The following HHLA2 variants were observed in gnomAD, a reference collection of about 807,000 sequenced individuals.
HHLA2 encodes the protein HHLA2 member of B7 family.
Under a neutral mutation model 45.9 loss-of-function variants are expected in HHLA2, and 48 were observed. That is an observed-to-expected ratio of 1.05 (90% CI 0.83 to 1.33). The LOEUF (loss-of-function observed/expected upper bound fraction) is 1.33. Among genes scored for constraint, HHLA2 ranks in the 40% most tolerant of loss-of-function variants. The probability of loss-of-function intolerance (pLI) is 0.00; values close to 1 mark genes in which losing one functional copy is unlikely to be tolerated. For missense variants in HHLA2, 462 were observed against 494.3 expected, an observed-to-expected ratio of 0.93 and a Z score of 0.62; for synonymous variants, 161 against 173.9, an observed-to-expected ratio of 0.93 and a Z score of 0.59.
At chr3:108,307,196 A>G (rs1348013878) in intron 1 of HHLA2, among the ~76,000 whole-genome samples, 1 of 152,156 alleles carries the variant, frequency 6.6e-6, no homozygotes, top group African/African-American at 2.4e-5. Flanking sequence ...TTTTTAATAC[A>G]AATGTTTGAT....
intron 5 of HHLA2, among the ~76,000 whole-genome samples, chr3:108,354,898 C>T (rs540399096): frequency 1.3e-5 from 2 of 152,086 alleles, no homozygotes; most frequent in African/African-American, 2.4e-5. Flanking sequence ...CATACCCATG[C>T]CTGCTCTTTT....
At chr3:108,362,417 T>C in exon 8 of HHLA2, 1 of 1,612,008 alleles carries the variant, frequency 6.2e-7, no homozygotes, top group South Asian at 1.1e-5. Context: ...GCAGCTTTTC[T>C]GCTGATTTGG....
chr3:108,352,331 G>A (rs7610479), intron 4 of HHLA2, among the ~76,000 whole-genome samples: 102,827 of 151,990 alleles, frequency 0.68, 35,664 homozygotes, highest in African/African-American at 0.77. Context: ...CTTTCAGCAT[G>A]ATGCCACATC....
At chr3:108,373,314 C>G (rs898167910) in intron 8 of HHLA2, among the ~76,000 whole-genome samples, 1 of 152,066 alleles carries the variant, frequency 6.6e-6, no homozygotes, top group Non-Finnish European at 1.5e-5. Flanking sequence ...AAATTAGGTA[C>G]TGAGGGGACG....
At chr3:108,323,781 C>G (rs984215917) in intron 2 of HHLA2, among the ~76,000 whole-genome samples, 2 of 152,118 alleles carry the variant, frequency 1.3e-5, no homozygotes, top group African/African-American at 4.8e-5. Flanking sequence ...TAGTAGTGCT[C>G]TATTGTAATG....
At chr3:108,316,694 G>C (rs1394729408) in intron 2 of HHLA2, among the ~76,000 whole-genome samples, 1 of 152,112 alleles carries the variant, frequency 6.6e-6, no homozygotes, top group Admixed American at 6.5e-5. Context: ...AAAAAATGTG[G>C]ATTTAGGTAA....
intron 2 of HHLA2, among the ~76,000 whole-genome samples, chr3:108,313,518 T>C (rs1349200768): frequency 6.6e-6 from 1 of 152,152 alleles, no homozygotes. Context: ...TGTGCATGTG[T>C]TGTGGGGGTG....
At chr3:108,372,758 C>T (rs2082202642) in intron 8 of HHLA2, among the ~76,000 whole-genome samples, 1 of 152,204 alleles carries the variant, frequency 6.6e-6, no homozygotes, top group Non-Finnish European at 1.5e-5. Flanking sequence ...GACACATACA[C>T]TCTCCCAAGA....
chr3:108,310,976 A>G (rs573998051), intron 2 of HHLA2, among the ~76,000 whole-genome samples: 4 of 152,194 alleles, frequency 2.6e-5, no homozygotes, highest in Non-Finnish European at 5.9e-5. Context: ...TAGACCTTCC[A>G]TGTTGTTTTA....
chr3:108,341,173 G>A (rs893582281), intron 3 of HHLA2, among the ~76,000 whole-genome samples: 7 of 151,858 alleles, frequency 4.6e-5, no homozygotes, highest in African/African-American at 1.2e-4. Flanking sequence ...GGCTGGTGTC[G>A]AACTGCTGAC....
chr3:108,315,908 G>T (rs2081095501), intron 2 of HHLA2, among the ~76,000 whole-genome samples: 1 of 152,076 alleles, frequency 6.6e-6, no homozygotes, highest in African/African-American at 2.4e-5. Context: ...GGTAATCTAA[G>T]GTAGCAGAAG....
chr3:108,313,748 G>A (rs931823046), intron 2 of HHLA2, among the ~76,000 whole-genome samples: 12 of 152,174 alleles, frequency 7.9e-5, no homozygotes, highest in Admixed American at 7.9e-4. Flanking sequence ...TATATCCATG[G>A]GGTAGTGAAA....
intron 4 of HHLA2, among the ~76,000 whole-genome samples, chr3:108,352,121 T>C (rs2081789371): frequency 6.9e-6 from 1 of 145,162 alleles, no homozygotes; most frequent in Admixed American, 7.1e-5. Flanking sequence ...GTAAGTTCAC[T>C]GGAAAGGCAA....
rs371910236 is a variant in HHLA2 at position 108,314,702 on chromosome 3, G to A, written c.-105+3961G>A. 8.3e-4 allele frequency among the ~76,000 whole-genome samples: 127 copies of A among 152,300 alleles called. 1 individual carries two copies. The highest frequency in any genetic ancestry group is 2.9e-3 in the African/African-American group (121 of 41,564). ...AGCCAGACATTTTACTTCATCGATTGATGTGTGGATGAAATACATTATTTT... is the reference window on the plus strand; with the variant it reads ...AGCCAGACATTTTACTTCATCGATTAATGTGTGGATGAAATACATTATTTT... On this transcript the variant is annotated intron_variant, in intron 2 of 10. Coordinates refer to ENST00000619531, the Ensembl canonical transcript of HHLA2.
At chr3:108,332,245 A>C (rs1257741293) in intron 3 of HHLA2, among the ~76,000 whole-genome samples, 1 of 152,200 alleles carries the variant, frequency 6.6e-6, no homozygotes, top group Non-Finnish European at 1.5e-5. Flanking sequence ...AACTGGGCAC[A>C]GTTACCTCCA....
intron 8 of HHLA2, among the ~76,000 whole-genome samples, chr3:108,374,135 A>G (rs1454874555): frequency 6.6e-6 from 1 of 151,362 alleles, no homozygotes; most frequent in African/African-American, 2.4e-5. Context: ...ACAGAGATAT[A>G]GACCAATGGA....
chr3:108,373,050 C>A (rs541584614), intron 8 of HHLA2, among the ~76,000 whole-genome samples: 1 of 152,172 alleles, frequency 6.6e-6, no homozygotes, highest in Non-Finnish European at 1.5e-5. Context: ...AGACCAATAT[C>A]CTTGATGAAC....
At chr3:108,372,394 C>G (rs1269073218) in intron 8 of HHLA2, among the ~76,000 whole-genome samples, 2 of 151,604 alleles carry the variant, frequency 1.3e-5, no homozygotes, top group African/African-American at 4.9e-5. Context: ...AAAATTGACA[C>G]CCTAACATCA....
At chr3:108,356,403 CTTT>C (rs1212944776) in intron 6 of HHLA2, among the ~76,000 whole-genome samples, 1 of 151,190 alleles carries the variant, frequency 6.6e-6, no homozygotes, top group South Asian at 2.1e-4. Flanking sequence ...TGGAGGTTAT[CTTT>C]TTTTTTCAGT....
Sources: allele counts gnomAD v4.1 joint callset (sites outside exome capture counted in the v4.1 genomes callset), GRCh38; gene constraint gnomAD v4.1.1; transcripts MANE v1.5; gene names NCBI Gene and HGNC (gene_info 2026-07-23, HGNC 2026-07-21).